The following DCC variants were observed in gnomAD, a reference collection of about 807,000 sequenced individuals.
DCC encodes the protein DCC netrin 1 receptor.
In DCC, 58 loss-of-function variants were observed where a neutral mutation model predicts 172.5. The observed-to-expected ratio is 0.34, with a 90% confidence interval of 0.27 to 0.42. The LOEUF (loss-of-function observed/expected upper bound fraction) is 0.42. DCC is among the 10% of genes least tolerant of loss of function. DCC has a pLI of 1.00. For synonymous variants in DCC, 709 were observed against 644.5 expected (o/e 1.10, Z -1.52); for missense variants, 1,740 against 1,791.0 (o/e 0.97, Z 0.51).
chr18:52,427,891 C>T (rs1228388094), intron 1 of DCC, among the ~76,000 whole-genome samples: 3 of 142,126 alleles, frequency 2.1e-5, no homozygotes, highest in Non-Finnish European at 4.6e-5. Context: ...TTCCTTCCTT[C>T]CTTGGCACAT....
intron 5 of DCC, among the ~76,000 whole-genome samples, chr18:53,035,135 G>A (rs2042075378): frequency 1.3e-5 from 2 of 150,256 alleles, no homozygotes; most frequent in South Asian, 4.2e-4. Context: ...GGGTAATTGG[G>A]ATATCCATCA....
chr18:52,936,079 T>A lies in DCC; in HGVS notation c.985+10709T>A, dbSNP rs141403471. On this transcript the variant is annotated intron_variant, in intron 5 of 28. Coordinates refer to ENST00000442544, the MANE Select transcript of DCC (RefSeq NM_005215.4). ...AGAGTTTTTGTATGTAGGGTTTTGA[T>A]CCTAAATGTAGGATACAGGTGTGTA... Among the ~76,000 whole-genome samples the A allele has an allele frequency of 4.6e-3, 706 of 152,196 alleles. 8 individuals are homozygous for A. The highest frequency in any genetic ancestry group is 0.015 in the African/African-American group (638 of 41,550).
At chr18:52,940,434 C>T (rs954361738) in intron 5 of DCC, among the ~76,000 whole-genome samples, 3 of 152,080 alleles carry the variant, frequency 2.0e-5, no homozygotes, top group Non-Finnish European at 2.9e-5. Flanking sequence ...AGTGACAGAA[C>T]ATGAAATTGG....
chr18:52,472,431 G>T (rs752437545), intron 1 of DCC, among the ~76,000 whole-genome samples: 1 of 152,186 alleles, frequency 6.6e-6, no homozygotes, highest in Non-Finnish European at 1.5e-5. Context: ...GGAATATGCA[G>T]TGTTACTGTT....
At chr18:53,091,859 CTATA>C (rs35776447) in intron 7 of DCC, among the ~76,000 whole-genome samples, 10,327 of 140,876 alleles carry the variant, frequency 0.073, 392 homozygotes, top group Non-Finnish European at 0.078. Context: ...ATCAATCTAT[CTATA>C]TATATATATA....
intron 7 of DCC, among the ~76,000 whole-genome samples, chr18:53,133,959 C>G (rs1295342758): frequency 2.0e-5 from 3 of 152,096 alleles, no homozygotes; most frequent in African/African-American, 7.2e-5. Flanking sequence ...GAGGAGAGAC[C>G]ATGAATTTTA....
chr18:53,362,765 A>G (rs976021260), intron 15 of DCC, among the ~76,000 whole-genome samples: 1 of 152,168 alleles, frequency 6.6e-6, no homozygotes, highest in African/African-American at 2.4e-5. Context: ...GGAGAAAACA[A>G]GAAGGGACCC....
intron 15 of DCC, 65 bp downstream of exon 15, chr18:53,339,972 T>C: frequency 6.8e-7 from 1 of 1,468,798 alleles, no homozygotes; most frequent in Admixed American, 1.9e-5. Context: ...AATTATTGTA[T>C]TTCTTGGAAA....
chr18:52,685,881 A>G (rs35827041), intron 1 of DCC, among the ~76,000 whole-genome samples: 17,541 of 152,150 alleles, frequency 0.12, 1,199 homozygotes, highest in East Asian at 0.29. Flanking sequence ...GGTCACTACT[A>G]AAAAGTAGGA....
At chr18:53,361,511 T>G (rs1298742136) in intron 15 of DCC, among the ~76,000 whole-genome samples, 1 of 152,174 alleles carries the variant, frequency 6.6e-6, no homozygotes, top group Non-Finnish European at 1.5e-5. Flanking sequence ...ATGATCACAT[T>G]AGAAGACTCT....
At chr18:52,540,670 T>G (rs1412141151) in intron 1 of DCC, among the ~76,000 whole-genome samples, 7 of 127,824 alleles carry the variant, frequency 5.5e-5, no homozygotes, top group East Asian at 2.8e-4. Context: ...GCAGTGGCGC[T>G]ATCTCGGCTC....
intron 7 of DCC, among the ~76,000 whole-genome samples, chr18:53,068,578 GT>G (rs2042607207): frequency 6.6e-6 from 1 of 152,038 alleles, no homozygotes; most frequent in Non-Finnish European, 1.5e-5. Flanking sequence ...GTGACTTCGT[GT>G]TTCTAAAGGA....
chr18:53,255,884 G>C (rs2056504515), intron 12 of DCC, among the ~76,000 whole-genome samples: 1 of 152,088 alleles, frequency 6.6e-6, no homozygotes, highest in Non-Finnish European at 1.5e-5. Flanking sequence ...GTTGTTTCCT[G>C]ACTTTTTAAT....
At chr18:53,232,540 C>T (rs1442940584) in intron 12 of DCC, among the ~76,000 whole-genome samples, 10 of 152,154 alleles carry the variant, frequency 6.6e-5, no homozygotes, top group Admixed American at 2.6e-4. Context: ...CATGCAAGAC[C>T]TCTTCATGTA....
At chr18:53,112,484 C>A (rs537851596) in intron 7 of DCC, among the ~76,000 whole-genome samples, 1 of 151,496 alleles carries the variant, frequency 6.6e-6, no homozygotes, top group Non-Finnish European at 1.5e-5. Context: ...GGATTTGAAC[C>A]CAGATCTGCC....
chr18:53,228,744 G>A (rs2056077312), intron 12 of DCC, among the ~76,000 whole-genome samples: 1 of 152,118 alleles, frequency 6.6e-6, no homozygotes, highest in South Asian at 2.1e-4. Flanking sequence ...GAAAGGAAAA[G>A]TTGAGGGGCC....
chr18:53,226,948 A>ATATATAAATATATTTTTTTTTTTTT, intron 12 of DCC, among the ~76,000 whole-genome samples: 5 of 52,950 alleles, frequency 9.4e-5, no homozygotes, highest in Non-Finnish European at 2.0e-4. Context: ...ATATATATAT[A>ATATATAAATATATTTTTTTTTTTTT]TTTTTTTTTT....
At chr18:53,219,206 T>C (rs2144587349) in intron 12 of DCC, among the ~76,000 whole-genome samples, 1 of 152,306 alleles carries the variant, frequency 6.6e-6, no homozygotes, top group South Asian at 2.1e-4. Context: ...TTTAATCTGT[T>C]GAACCTTTCA....
intron 27 of DCC, among the ~76,000 whole-genome samples, chr18:53,512,913 C>G (rs927840396): frequency 6.6e-6 from 1 of 152,056 alleles, no homozygotes; most frequent in Admixed American, 6.6e-5. Context: ...GAGAACTTCC[C>G]CAATCTATCA....
Sources: gnomAD v4.1 joint callset for allele counts (sites outside exome capture counted in the v4.1 genomes callset) on GRCh38, gnomAD v4.1.1 for gene constraint, MANE v1.5 for transcripts, NCBI Gene and HGNC (gene_info 2026-07-23, HGNC 2026-07-21) for gene names.